The following PLAAT3 variants were observed in gnomAD, a reference collection of about 807,000 sequenced individuals.
PLAAT3 encodes Ca-independent phospholipase A1/2.
Under a neutral mutation model 16.7 loss-of-function variants are expected in PLAAT3, and 21 were observed. The observed-to-expected ratio is 1.26, with a 90% CI of 0.89 to 1.81. PLAAT3 has a LOEUF of 1.81. PLAAT3 is among the 40% of genes most tolerant of loss of function. PLAAT3 has a pLI of 0.00. For synonymous variants in PLAAT3, 76 were observed against 81.7 expected, an observed-to-expected ratio of 0.93 and a Z score of 0.38; for missense variants, 219 against 213.7, an observed-to-expected ratio of 1.02 and a Z score of -0.16.
intron 4 of PLAAT3, 85 bp downstream of exon 4, chr11:63,590,015 T>C (rs1425770306): frequency 1.7e-5 from 23 of 1,328,718 alleles, no homozygotes; most frequent in Non-Finnish European, 2.3e-5. Context: ...TTTGTCTTGT[T>C]CATGCCTCCA....
chr11:63,605,312 C>T (rs1938527800), intron 2 of PLAAT3, among the ~76,000 whole-genome samples: 1 of 151,938 alleles, frequency 6.6e-6, no homozygotes, highest in African/African-American at 2.4e-5. Flanking sequence ...GCAAGAGAAT[C>T]GCTTAAACTC....
intron 2 of PLAAT3, among the ~76,000 whole-genome samples, chr11:63,600,804 A>G (rs1000357723): frequency 5.9e-5 from 9 of 151,292 alleles, no homozygotes; most frequent in African/African-American, 2.4e-5. Flanking sequence ...GGGTTTCACC[A>G]TGTTGGCCAG....
intron 3 of PLAAT3, among the ~76,000 whole-genome samples, chr11:63,593,444 C>T (rs1306567958): frequency 6.6e-6 from 1 of 152,186 alleles, no homozygotes; most frequent in Non-Finnish European, 1.5e-5. Flanking sequence ...AGGAGGCCAA[C>T]GTTGCTGGAG....
At chr11:63,580,040 T>G (rs1407393616) in intron 4 of PLAAT3, among the ~76,000 whole-genome samples, 2 of 152,104 alleles carry the variant, frequency 1.3e-5, no homozygotes, top group African/African-American at 4.8e-5. Flanking sequence ...TTACCTCCCA[T>G]GCATCCTCTT....
chr11:63,586,340 G>A (rs1042737197), intron 4 of PLAAT3, among the ~76,000 whole-genome samples: 14 of 152,212 alleles, frequency 9.2e-5, no homozygotes, highest in South Asian at 2.1e-4. Flanking sequence ...CACCATGTTG[G>A]CCAGGGTGGT....
chr11:63,596,251 A>AG (rs1938286241), intron 3 of PLAAT3, among the ~76,000 whole-genome samples: 1 of 148,142 alleles, frequency 6.8e-6, no homozygotes, highest in Admixed American at 6.7e-5. Flanking sequence ...AAAAAAAAAA[A>AG]AAAAAAAAAA....
intron 4 of PLAAT3, among the ~76,000 whole-genome samples, chr11:63,585,493 G>A (rs1387101256): frequency 6.6e-6 from 1 of 152,066 alleles, no homozygotes; most frequent in Non-Finnish European, 1.5e-5. Flanking sequence ...GTAGAGGCCA[G>A]GGATGCTGCT....
Position 63,575,035 on chromosome 11 carries a change from G to T in PLAAT3, c.399C>A (p.Val133=). The T allele has an allele frequency of 1.2e-6, 2 of 1,608,552 alleles. No individual in the cohort carries two copies. ...GVARSDQVRD[V]IIAASVAGMG... ...TTCCTGCAACGCTTGCAGCGATGAT[G>T]ACATCTCTGACCTGCAACAAAGAAG... The change falls in exon 5 of 5, where the codon GTC becomes GTA. Residue 133 remains valine (V), a synonymous_variant. Coordinates refer to ENST00000415826, the MANE Select transcript of PLAAT3 (RefSeq NM_001128203.2).
intron 4 of PLAAT3, among the ~76,000 whole-genome samples, chr11:63,581,394 G>A (rs781316598): frequency 2.0e-5 from 3 of 152,120 alleles, no homozygotes; most frequent in Non-Finnish European, 2.9e-5. Flanking sequence ...GTCTATAGAC[G>A]GCCGCTCTGG....
At chr11:63,608,052 C>T (rs1938611084) in intron 2 of PLAAT3, among the ~76,000 whole-genome samples, 1 of 151,904 alleles carries the variant, frequency 6.6e-6, no homozygotes, top group African/African-American at 2.4e-5. Flanking sequence ...CGTAGTGGCA[C>T]GTGCCTGTAG....
intron 2 of PLAAT3, among the ~76,000 whole-genome samples, chr11:63,613,130 G>A (rs1330096128): frequency 1.3e-5 from 2 of 152,122 alleles, no homozygotes; most frequent in Admixed American, 6.5e-5. Context: ...TTCACTCTGC[G>A]GCAGGGCTCG....
intron 3 of PLAAT3, 55 bp downstream of exon 3, chr11:63,598,006 C>A (rs753136861): frequency 1.7e-6 from 2 of 1,164,876 alleles, no homozygotes; most frequent in Non-Finnish European, 2.6e-6. Context: ...GTTCCCCATC[C>A]CCTCTCTTCC....
At chr11:63,578,900 C>T (rs1270495475) in intron 4 of PLAAT3, among the ~76,000 whole-genome samples, 1 of 151,952 alleles carries the variant, frequency 6.6e-6, no homozygotes, top group African/African-American at 2.4e-5. Context: ...AGAGCTTCTG[C>T]ACAGCAAAAG....
At position 63,590,289 on chromosome 11, in the gene PLAAT3, A is replaced by G; in HGVS notation, c.198T>C (p.Tyr66=). 2 of 1,614,194 alleles carry G rather than the reference A, an allele frequency of 1.2e-6. No individual in the cohort carries two copies. Among genetic ancestry groups the G allele is most frequent in the Non-Finnish European group, 1.7e-6 (2 of 1,180,002 alleles). The part of the protein sequence containing the change: ...DKAIVKKELL[Y]DVAGSDKYQV... ...GGTACTTGTCACTCCCGGCCACATC[A>G]TACAGCAATTCCTTCTTCACGATGG... The change falls in exon 4 of 5, where the codon TAT becomes TAC. Residue 66 remains tyrosine (Y), a synonymous_variant. Coordinates refer to ENST00000415826, the MANE Select transcript of PLAAT3 (RefSeq NM_001128203.2).
At chr11:63,585,524 G>A (rs1937949852) in intron 4 of PLAAT3, among the ~76,000 whole-genome samples, 1 of 152,046 alleles carries the variant, frequency 6.6e-6, no homozygotes, top group South Asian at 2.1e-4. Flanking sequence ...CAGTGCACAG[G>A]ACAGGACTTG....
Position 63,590,101 on chromosome 11 carries a change from T to C in PLAAT3, c.386A>G (p.Gln129Arg). ...ELRYGVARSD[Q>R]VRDVIIAASV... The stretch of plus-strand genomic sequence containing the variant: ...AGGCGACACAGGCAGAGGACGCACC[T>C]GGTCACTGCGGGCGACTCCATAGCG... The change falls in exon 4 of 5, where the codon CAG becomes CGG. Residue 129 changes from glutamine to arginine, a missense_variant and splice_region_variant. Transcript: ENST00000415826. 1 of 1,613,022 alleles carries C rather than the reference T, an allele frequency of 6.2e-7. No homozygotes were observed. Among genetic ancestry groups the C allele is most frequent in the Non-Finnish European group, 8.5e-7 (1 of 1,179,276 alleles).
upstream of PLAAT3, among the ~76,000 whole-genome samples, chr11:63,614,644 A>T (rs1239787463): frequency 6.6e-6 from 1 of 151,738 alleles, no homozygotes; most frequent in Non-Finnish European, 1.5e-5. Flanking sequence ...CACACATCAC[A>T]CTGCAGGGCC....
intron 4 of PLAAT3, among the ~76,000 whole-genome samples, chr11:63,584,881 T>C (rs527870146): frequency 9.2e-5 from 14 of 152,334 alleles, no homozygotes; most frequent in African/African-American, 3.1e-4. Context: ...CTGGTCAGAT[T>C]CTTTAAAACA....
chr11:63,589,628 C>G (rs986751342), intron 4 of PLAAT3, among the ~76,000 whole-genome samples: 1 of 152,186 alleles, frequency 6.6e-6, no homozygotes. Context: ...CTATGCCACA[C>G]AGACCTGGGC....
Sources: gnomAD v4.1 joint callset for allele counts (sites outside exome capture counted in the v4.1 genomes callset) on GRCh38, gnomAD v4.1.1 for gene constraint, MANE v1.5 for transcripts, NCBI Gene and HGNC (gene_info 2026-07-23, HGNC 2026-07-21) for gene names.